The following TMPRSS5 variants were observed in gnomAD, a reference collection of about 807,000 sequenced individuals.
TMPRSS5 encodes the protein transmembrane protease serine 5.
A neutral mutation model predicts 59.7 loss-of-function variants in TMPRSS5; 45 were observed. The ratio of observed to expected loss-of-function variants is 0.75; its 90% CI spans 0.59 to 0.97. The LOEUF is 0.97. Among genes scored for constraint, TMPRSS5 ranks in the 50% least tolerant of loss-of-function variants. TMPRSS5 has a pLI of 0.00. For missense variants in TMPRSS5, 585 were observed against 596.7 expected (o/e 0.98, Z 0.20); for synonymous variants, 225 against 232.0 (o/e 0.97, Z 0.27).
intron 2 of TMPRSS5, 134 bp from the exon 3 acceptor site, chr11:113,699,827 G>T: frequency 7.2e-7 from 1 of 1,384,912 alleles, no homozygotes; most frequent in Non-Finnish European, 9.9e-7. Context: ...CATCAGCCCA[G>T]ATTAGGGAGG....
intron 4 of TMPRSS5, among the ~76,000 whole-genome samples, chr11:113,698,331 A>C (rs1952986529): frequency 6.6e-6 from 1 of 152,210 alleles, no homozygotes; most frequent in South Asian, 2.1e-4. Context: ...TTTGTGCAGT[A>C]AATATTTATA....
intron 9 of TMPRSS5, among the ~76,000 whole-genome samples, chr11:113,691,827 G>A (rs555109114): frequency 6.7e-6 from 1 of 148,398 alleles, no homozygotes; most frequent in Admixed American, 6.8e-5. Flanking sequence ...TACTAATATA[G>A]TCGTATTTTT....
rs988987819 is a variant in TMPRSS5, at chr11:113,690,046, G to C, written c.1207-129C>G. On this transcript the variant is annotated intron_variant, in intron 11 of 12. Coordinates refer to ENST00000299882, the MANE Select transcript of TMPRSS5 (RefSeq NM_030770.4). ...CCTGCTTCTAGCTGAGATATCTGCTGGCCTCACCCCTCCTTAAACCCTTAG... is the reference window on the plus strand; with the variant it reads ...CCTGCTTCTAGCTGAGATATCTGCTCGCCTCACCCCTCCTTAAACCCTTAG... The C allele has an allele frequency of 2.4e-6, 3 of 1,246,844 alleles. No homozygotes were observed. In the Admixed American group the frequency reaches 8.3e-5, roughly 35 times the overall value. 77.2% of individuals were successfully genotyped at this position (1,246,844 alleles called of 1,614,324 possible). A position where few individuals can be genotyped will look rare whatever the true frequency, so the allele number is the denominator to read the frequency against.
chr11:113,699,270 T>TCTCCC (rs1565263815), intron 3 of TMPRSS5, among the ~76,000 whole-genome samples: 1 of 55,808 alleles, frequency 1.8e-5, no homozygotes, highest in Admixed American at 2.1e-4. Flanking sequence ...TCTCTCTCTC[T>TCTCCC]CCCTCTCTCT....
rs745640138 is a variant in TMPRSS5, at chr11:113,690,363, C to G, written c.1074G>C (p.Ser358=). The G allele has an allele frequency of 2.5e-6, 4 of 1,605,340 alleles. No individual in the cohort carries two copies. The change falls in exon 11 of 13, where the codon TCG becomes TCC. Residue 358 remains serine, a synonymous_variant. Transcript: ENST00000299882. The part of the protein sequence containing the change: ...GHTHPSHTYS[S]DMLQDTVVPL... ...GCACCACCGTGTCCTGGAGCATATC[C>G]GAGCTGTAAGCTATGAGAGACACCG...
intron 4 of TMPRSS5, 157 bp downstream of exon 4, chr11:113,698,748 C>T: frequency 1.2e-6 from 1 of 855,238 alleles, no homozygotes; most frequent in East Asian, 2.7e-5. Context: ...TCAGAGATCA[C>T]TGCAAGGTGA....
intron 1 of TMPRSS5, among the ~76,000 whole-genome samples, chr11:113,704,701 A>C (rs1447235338): frequency 6.6e-6 from 1 of 152,032 alleles, no homozygotes; most frequent in African/African-American, 2.4e-5. Flanking sequence ...CAGCACAGAC[A>C]TCACTTCTCC....
In TMPRSS5 at chr11:113,700,123, C is replaced by G. The variant is rs767022658; in HGVS notation, c.49G>C (p.Glu17Gln). ...AAGATCCCAGGTCCTGGGCCCTCCT[C>G]TGCATACTGGGCCTCCATAGGGGGT... ...DQPPMEAQYA[E>Q]EGPGPGIFRA... The change falls in exon 2 of 13, where the codon GAG becomes CAG. Residue 17 changes from glutamate to glutamine, a missense_variant. Glu to Gln is a conservative substitution (Grantham distance 29, BLOSUM62 2). Transcript: ENST00000299882. 4.4e-6 allele frequency: 7 copies of G among 1,586,130 alleles called. No homozygotes were observed. The South Asian group carries it at 8.1e-5, about 18-fold the overall frequency.
At chr11:113,697,748 C>T (rs1408449930) in intron 4 of TMPRSS5, among the ~76,000 whole-genome samples, 1 of 152,170 alleles carries the variant, frequency 6.6e-6, no homozygotes, top group African/African-American at 2.4e-5. Context: ...GCAACTTCCC[C>T]AAGATCACAG....
chr11:113,688,472 T>G (rs1382419799), intron 12 of TMPRSS5, among the ~76,000 whole-genome samples, 198 bp from the exon 13 acceptor site: 1 of 152,212 alleles, frequency 6.6e-6, no homozygotes, highest in East Asian at 1.9e-4. Context: ...AAACTCCGAA[T>G]GTATTATCTA....
At chr11:113,690,182 C>CCCCCCCCCCCCCCCA in intron 11 of TMPRSS5, 49 bp downstream of exon 11, 1 of 921,236 alleles carries the variant, frequency 1.1e-6, no homozygotes, top group Non-Finnish European at 1.6e-6. Flanking sequence ...CCCTGCCCTC[C>CCCCCCCCCCCCCCCA]CACCCCCACC....
intron 8 of TMPRSS5, 83 bp downstream of exon 8, chr11:113,694,395 C>G: frequency 6.9e-7 from 1 of 1,452,608 alleles, no homozygotes; most frequent in Non-Finnish European, 9.3e-7. Context: ...CAGTTGGACA[C>G]GAACATTTGA....
rs1953028406 is a variant in TMPRSS5, at chr11:113,699,232, TC to T, written c.206-206del. Among the ~76,000 whole-genome samples, 4 of 59,732 alleles carry T rather than the reference TC, an allele frequency of 6.7e-5. No homozygotes were observed. The East Asian group carries it at 1.7e-3, about 26-fold the overall frequency. The allele number at this position is 59,732 out of a possible 152,430, so 39.2% of individuals were successfully genotyped here. A position where few individuals can be genotyped will look rare whatever the true frequency, so the allele number is the denominator to read the frequency against. On this transcript the variant is annotated intron_variant, in intron 3 of 12. Transcript: ENST00000299882. ...GTCTGTCTCTCTCTCTCTCTCTCTC[TC>T]TCTCTCTCTCTCTCTCTCTCTCTCT...
chr11:113,698,499 G>A (rs1010982954), intron 4 of TMPRSS5, among the ~76,000 whole-genome samples: 3 of 152,128 alleles, frequency 2.0e-5, no homozygotes, highest in Non-Finnish European at 4.4e-5. Flanking sequence ...TACCTGGAGG[G>A]GAGGGGACAA....
At chr11:113,692,382 G>A (rs1952807203) in intron 9 of TMPRSS5, among the ~76,000 whole-genome samples, 1 of 152,204 alleles carries the variant, frequency 6.6e-6, no homozygotes, top group African/African-American at 2.4e-5. Flanking sequence ...GTGTGTTCAT[G>A]TGAGCACGTA....
At chr11:113,699,203 GTCTGTCTGTCTCTCTC>G (rs1347433058) in intron 3 of TMPRSS5, among the ~76,000 whole-genome samples, 176 bp from the exon 4 acceptor site, 661 of 36,380 alleles carry the variant, frequency 0.018, 42 homozygotes, top group African/African-American at 0.096. Flanking sequence ...ACTCTCCTTT[GTCTGTCTGTCTCTCTC>G]TCTCTCTCTC....
intron 1 of TMPRSS5, among the ~76,000 whole-genome samples, chr11:113,702,434 T>A (rs1953165946): frequency 6.6e-6 from 1 of 152,160 alleles, no homozygotes; most frequent in Non-Finnish European, 1.5e-5. Context: ...CAGCAAAGTG[T>A]TCAAGAGGAA....
chr11:113,695,852 T>G (rs1952913037), intron 6 of TMPRSS5, among the ~76,000 whole-genome samples: 1 of 152,194 alleles, frequency 6.6e-6, no homozygotes. Flanking sequence ...TGCTCCTTCC[T>G]AGGTTTGCTG....
chr11:113,699,272 C>CTCTCTCTCTCTCTCTCTCTCTCT, intron 3 of TMPRSS5, among the ~76,000 whole-genome samples: 1 of 24,060 alleles, frequency 4.2e-5, no homozygotes, highest in Non-Finnish European at 7.9e-5. Flanking sequence ...TCTCTCTCTC[C>CTCTCTCTCTCTCTCTCTCTCTCT]CTCTCTCTCT....
Sources: allele counts gnomAD v4.1 joint callset (sites outside exome capture counted in the v4.1 genomes callset), GRCh38; gene constraint gnomAD v4.1.1; transcripts MANE v1.5; gene names NCBI Gene and HGNC (gene_info 2026-07-23, HGNC 2026-07-21).